TBC1D1: variants seen among roughly 807,000 people sequenced by gnomAD.
TBC1D1 encodes the protein TBC1 (tre-2/USP6, BUB2, cdc16) domain family, member 1.
Under a neutral mutation model 125.6 loss-of-function variants are expected in TBC1D1, and 89 were observed. The observed-to-expected ratio is 0.71, with a 90% CI of 0.60 to 0.85. The LOEUF is 0.85. TBC1D1 is among the 40% of genes least tolerant of loss of function. TBC1D1 has a pLI of 0.00. For missense variants in TBC1D1, 1,377 were observed against 1,469.2 expected (o/e 0.94, Z 1.03); for synonymous variants, 565 against 564.1 (o/e 1.00, Z -0.02).
intron 2 of TBC1D1, among the ~76,000 whole-genome samples, chr4:37,933,322 C>G (rs985871819): frequency 6.6e-6 from 1 of 151,898 alleles, no homozygotes; most frequent in Non-Finnish European, 1.5e-5. Flanking sequence ...ACATATTTAC[C>G]TATTTATATA....
At chr4:37,937,270 C>T (rs186853132) in intron 2 of TBC1D1, among the ~76,000 whole-genome samples, 3 of 152,246 alleles carry the variant, frequency 2.0e-5, no homozygotes, top group African/African-American at 4.8e-5. Flanking sequence ...TGCCAGAAAA[C>T]GGGAGAGAGT....
chr4:38,117,063 G>A (rs927936512), intron 16 of TBC1D1, among the ~76,000 whole-genome samples: 7 of 152,296 alleles, frequency 4.6e-5, no homozygotes, highest in African/African-American at 1.7e-4. Context: ...GTGGTCACCA[G>A]GCAGTGGAAT....
At chr4:38,083,692 G>T (rs1756967482) in intron 12 of TBC1D1, among the ~76,000 whole-genome samples, 1 of 152,182 alleles carries the variant, frequency 6.6e-6, no homozygotes, top group Non-Finnish European at 1.5e-5. Context: ...AGGTTGAGTA[G>T]CTAGATCATG....
intron 7 of TBC1D1, among the ~76,000 whole-genome samples, chr4:38,035,175 T>C (rs1746969319): frequency 6.6e-6 from 1 of 152,216 alleles, no homozygotes; most frequent in Non-Finnish European, 1.5e-5. Flanking sequence ...ACATTCGACA[T>C]AGGAAATTAT....
chr4:37,924,786 T>C (rs961607506), intron 2 of TBC1D1, among the ~76,000 whole-genome samples: 5 of 152,234 alleles, frequency 3.3e-5, no homozygotes, highest in Non-Finnish European at 5.9e-5. Flanking sequence ...GATGGACATG[T>C]AAGTTGTTTT....
chr4:38,060,332 A>G (rs1357057332), intron 12 of TBC1D1, among the ~76,000 whole-genome samples: 2 of 152,234 alleles, frequency 1.3e-5, no homozygotes, highest in African/African-American at 2.4e-5. Context: ...ACTAATTTAC[A>G]TTCTCACCAA....
chr4:37,935,832 C>T (rs890564564), intron 2 of TBC1D1, among the ~76,000 whole-genome samples: 8 of 152,124 alleles, frequency 5.3e-5, no homozygotes, highest in Admixed American at 5.2e-4. Flanking sequence ...ATCTCCTGGC[C>T]CCACCATCCT....
chr4:37,949,994 C>T (rs539804975), intron 2 of TBC1D1, among the ~76,000 whole-genome samples: 2 of 151,966 alleles, frequency 1.3e-5, no homozygotes, highest in Non-Finnish European at 2.9e-5. Flanking sequence ...TTTTTACTGG[C>T]CTTTCTTTCT....
At chr4:38,131,973 G>A (rs1004348435) in intron 18 of TBC1D1, among the ~76,000 whole-genome samples, 1 of 152,232 alleles carries the variant, frequency 6.6e-6, no homozygotes, top group Non-Finnish European at 1.5e-5. Context: ...AAATAAGATT[G>A]TTGGGAATGG....
At chr4:37,921,180 G>C (rs186796735) in intron 2 of TBC1D1, among the ~76,000 whole-genome samples, 54 of 146,534 alleles carry the variant, frequency 3.7e-4, no homozygotes, top group Admixed American at 2.2e-3. Flanking sequence ...AATGAACTTT[G>C]TAAAGGTAAT....
chr4:38,135,378 AT>A (rs1387116319), intron 19 of TBC1D1, among the ~76,000 whole-genome samples: 1 of 152,200 alleles, frequency 6.6e-6, no homozygotes, highest in Non-Finnish European at 1.5e-5. Context: ...ATGCACATGG[AT>A]TTGTCATAAT....
intron 12 of TBC1D1, chr4:38,054,910 T>TGG (rs58799151): frequency 1.4e-4 from 22 of 153,622 alleles, no homozygotes; most frequent in Non-Finnish European, 2.5e-4. Flanking sequence ...ACGGGGGTTG[T>TGG]GGGGGAGCGT....
intron 2 of TBC1D1, among the ~76,000 whole-genome samples, chr4:37,922,473 A>G (rs1721210261): frequency 6.6e-6 from 1 of 152,244 alleles, no homozygotes; most frequent in Non-Finnish European, 1.5e-5. Context: ...CTCTGGGCCC[A>G]TAGGCAACCA....
chr4:38,074,754 G>GTC (rs1232067646), intron 12 of TBC1D1, among the ~76,000 whole-genome samples: 1 of 146,670 alleles, frequency 6.8e-6, no homozygotes, highest in Non-Finnish European at 1.5e-5. Context: ...GACTTTCTTA[G>GTC]TCTCTCTCTC....
chr4:37,996,585 A>G (rs938787736), intron 2 of TBC1D1, among the ~76,000 whole-genome samples: 79 of 152,214 alleles, frequency 5.2e-4, no homozygotes, highest in Admixed American at 5.0e-3. Flanking sequence ...CACATGTGAT[A>G]AGTTTTACTC....
chr4:38,062,395 G>C (rs2152498426), intron 12 of TBC1D1, among the ~76,000 whole-genome samples: 1 of 151,820 alleles, frequency 6.6e-6, no homozygotes, highest in Non-Finnish European at 1.5e-5. Flanking sequence ...TTTTTCTACA[G>C]GGTTTTAGGG....
chr4:38,070,961 T>A lies in TBC1D1; in HGVS notation c.2050+16623T>A, dbSNP rs190064092. Among the ~76,000 whole-genome samples the A allele has an allele frequency of 3.9e-5, 6 of 152,316 alleles. No individual in the cohort carries two copies. The East Asian group carries it at 1.2e-3, about 29-fold the overall frequency. On this transcript the variant is annotated intron_variant, in intron 12 of 19. Transcript: ENST00000261439. ...TCAGATTTGTTGGAAATGGACTCAG[T>A]TTTAAAATTGCTTCTCTCTTGTGGG... is the stretch of plus-strand genomic sequence containing the variant.
chr4:38,054,776 G>A (rs955494684), intron 12 of TBC1D1, among the ~76,000 whole-genome samples: 4 of 152,188 alleles, frequency 2.6e-5, no homozygotes, highest in African/African-American at 9.7e-5. Context: ...GAGAGATGAA[G>A]TGTGAGATTT....
chr4:37,984,613 G>A (rs1376939906), intron 2 of TBC1D1, among the ~76,000 whole-genome samples: 1 of 152,110 alleles, frequency 6.6e-6, no homozygotes, highest in Non-Finnish European at 1.5e-5. Context: ...GGAGGCTGAG[G>A]TGGGTGGATC....
Sources: gnomAD v4.1 joint callset for allele counts (sites outside exome capture counted in the v4.1 genomes callset) on GRCh38, gnomAD v4.1.1 for gene constraint, MANE v1.5 for transcripts, NCBI Gene and HGNC (gene_info 2026-07-23, HGNC 2026-07-21) for gene names.